The following DOCK1 variants were observed in gnomAD, a reference collection of about 807,000 sequenced individuals.
DOCK1 encodes the protein dedicator of cytokinesis protein 1.
A neutral mutation model predicts 262.7 loss-of-function variants in DOCK1; 138 were observed. That is an observed-to-expected ratio of 0.53 (90% CI 0.46 to 0.61). The LOEUF (loss-of-function observed/expected upper bound fraction) is 0.61. Ranked by LOEUF, DOCK1 falls within the 20% of genes least tolerant of loss-of-function variation. The pLI is 0.00. For missense variants in DOCK1, 1,908 were observed against 2,370.7 expected (o/e 0.80, Z 4.05); for synonymous variants, 866 against 867.4 (o/e 1.00, Z 0.03).
chr10:127,043,063 G>C lies in DOCK1; in HGVS notation c.2101-1G>C. On this transcript the variant is annotated splice_acceptor_variant, in intron 20 of 51. Coordinates refer to ENST00000623213, the MANE Select transcript of DOCK1 (RefSeq NM_001290223.2). LOFTEE classifies it high-confidence loss of function. ...GAAAATATTATTGATTAATTTGACA[G>C]GTATTTATCATTGGACTGATTGCTG... 6.3e-7 allele frequency: 1 copy of C among 1,594,866 alleles called. No individual in the cohort carries two copies. The highest frequency in any genetic ancestry group is 8.6e-7 in the Non-Finnish European group (1 of 1,168,320).
chr10:127,339,849 T>A, intron 30 of DOCK1, among the ~76,000 whole-genome samples: 1 of 152,158 alleles, frequency 6.6e-6, no homozygotes, highest in Admixed American at 6.5e-5. Flanking sequence ...ATTTTATCTG[T>A]CATTATTATT....
rs1218123401 is a variant in DOCK1 at position 127,223,344 on chromosome 10, A to G, written c.2848-24664A>G. On this transcript the variant is annotated intron_variant, in intron 27 of 51. Coordinates refer to ENST00000623213, the MANE Select transcript of DOCK1 (RefSeq NM_001290223.2). ...TTTTTCCTATCAAAATTATCTCTTA[A>G]TGCTTTTTAATTTATTTTCTTGAGT... 2.6e-5 allele frequency among the ~76,000 whole-genome samples: 4 copies of G among 152,292 alleles called. No individual in the cohort carries two copies. In the East Asian group the frequency reaches 5.8e-4, roughly 22 times the overall value.
intron 1 of DOCK1, among the ~76,000 whole-genome samples, chr10:126,915,789 C>T (rs1309566011): frequency 6.6e-6 from 1 of 152,096 alleles, no homozygotes; most frequent in African/African-American, 2.4e-5. Context: ...TCTGGCTGTT[C>T]CTGTTCCCAC....
At chr10:127,434,527 T>C (rs2069527550) in intron 48 of DOCK1, among the ~76,000 whole-genome samples, 1 of 152,270 alleles carries the variant, frequency 6.6e-6, no homozygotes, top group African/African-American at 2.4e-5. Context: ...TCCAGAACTC[T>C]TTAATATTGC....
At chr10:127,039,930 C>G (rs368936935) in intron 19 of DOCK1, among the ~76,000 whole-genome samples, 1 of 152,170 alleles carries the variant, frequency 6.6e-6, no homozygotes, top group Admixed American at 6.5e-5. Context: ...GGGTGGGGTG[C>G]CAGATGAAGC....
intron 30 of DOCK1, among the ~76,000 whole-genome samples, chr10:127,342,536 T>C (rs2063479550): frequency 6.6e-6 from 1 of 152,212 alleles, no homozygotes; most frequent in Non-Finnish European, 1.5e-5. Flanking sequence ...GAAAGTGTGC[T>C]GTTCATGGGA....
intron 29 of DOCK1, among the ~76,000 whole-genome samples, chr10:127,321,016 A>G (rs1201001538): frequency 1.3e-5 from 2 of 152,048 alleles, no homozygotes; most frequent in East Asian, 3.9e-4. Context: ...GAGGCTAATG[A>G]AATCTGTTCT....
rs533613747 is a variant in DOCK1 at position 127,184,321 on chromosome 10, C to G, written c.2847+56557C>G. Reference sequence around the variant, plus strand: ...CGGCTTGCTCAATTCATTCCCCCCCCAGTCTAATCCCCCAAATCAGTCGTC... The same window carrying G: ...CGGCTTGCTCAATTCATTCCCCCCCGAGTCTAATCCCCCAAATCAGTCGTC... On this transcript the variant is annotated intron_variant, in intron 27 of 51. Transcript: ENST00000623213. Among the ~76,000 whole-genome samples, 10 of 151,160 alleles carry G rather than the reference C, an allele frequency of 6.6e-5. No homozygotes were observed. In the East Asian group the frequency reaches 1.6e-3, roughly 24 times the overall value.
chr10:126,964,607 T>G (rs1052722871), intron 1 of DOCK1, among the ~76,000 whole-genome samples: 1 of 152,240 alleles, frequency 6.6e-6, no homozygotes, highest in African/African-American at 2.4e-5. Context: ...CAAATTGACT[T>G]TAAAAGAATT....
chr10:127,141,086 C>T (rs1049501341), intron 27 of DOCK1, among the ~76,000 whole-genome samples: 6 of 152,190 alleles, frequency 3.9e-5, no homozygotes, highest in African/African-American at 1.2e-4. Flanking sequence ...CCACCTGAAA[C>T]GCCTTTCTGG....
intron 1 of DOCK1, among the ~76,000 whole-genome samples, chr10:126,928,728 C>G (rs971959853): frequency 2.6e-5 from 4 of 152,162 alleles, no homozygotes; most frequent in African/African-American, 9.7e-5. Context: ...AGGATGGAGG[C>G]AGAAGTGGGT....
intron 49 of DOCK1, among the ~76,000 whole-genome samples, chr10:127,439,618 A>G (rs917463337): frequency 3.3e-5 from 5 of 152,126 alleles, no homozygotes; most frequent in Non-Finnish European, 7.4e-5. Context: ...TGCTGACTGG[A>G]ACTCTTCTAA....
intron 23 of DOCK1, among the ~76,000 whole-genome samples, chr10:127,082,012 T>A (rs1013961757): frequency 1.3e-5 from 2 of 152,186 alleles, no homozygotes; most frequent in Non-Finnish European, 2.9e-5. Flanking sequence ...ACATGAGCCC[T>A]GCTTTCCTTT....
chr10:126,953,666 T>G (rs1361436886), intron 1 of DOCK1, among the ~76,000 whole-genome samples: 3 of 152,054 alleles, frequency 2.0e-5, no homozygotes, highest in African/African-American at 7.2e-5. Context: ...GGAATGAGTG[T>G]GGGTAGAACG....
At chr10:126,933,823 C>G (rs2034357003) in intron 1 of DOCK1, among the ~76,000 whole-genome samples, 2 of 151,872 alleles carry the variant, frequency 1.3e-5, no homozygotes, top group Admixed American at 1.3e-4. Context: ...CTATTTTAAT[C>G]TTTTTTTTGA....
rs775673657 is a variant in DOCK1, at chr10:126,970,801, G to T, written c.130+16G>T. ...ACATATGAAGGTGCGTATGCATCTT[G>T]GTATCTTTTCTCTTACATTTTGGGC... On this transcript the variant is annotated intron_variant, in intron 2 of 51. Transcript: ENST00000623213. 6.2e-7 allele frequency: 1 copy of T among 1,608,096 alleles called. No individual in the cohort carries two copies. Among genetic ancestry groups the T allele is most frequent in the South Asian group, 1.1e-5 (1 of 89,944 alleles).
chr10:127,201,329 C>A (rs1459191011), intron 27 of DOCK1, among the ~76,000 whole-genome samples: 1 of 152,206 alleles, frequency 6.6e-6, no homozygotes, highest in African/African-American at 2.4e-5. Flanking sequence ...GTCCTGGCAG[C>A]CGAGCCGTGT....
Position 127,127,720 on chromosome 10 carries a change from G to A in DOCK1, c.2803G>A (p.Val935Met), listed in dbSNP as rs777074727. ...TATCATGGAGAAACTTCTCCGGACC[G>A]TGAACCGAACCGTCATTTCCATGGG... ...QIIMEKLLRT[V>M]NRTVISMGRD... is the part of the protein sequence containing the mutation. Residue 935 changes from valine (V) to methionine (M), a missense_variant, in exon 27 of 52, where the codon GTG (valine) becomes ATG (methionine). By Grantham distance (21) the Val-to-Met change is conservative (BLOSUM62 1). Coordinates refer to ENST00000623213, the MANE Select transcript of DOCK1 (RefSeq NM_001290223.2). The A allele has an allele frequency of 9.3e-6, 15 of 1,612,892 alleles. No homozygotes were observed. Among genetic ancestry groups the A allele is most frequent in the South Asian group, 4.4e-5 (4 of 90,980 alleles).
At chr10:127,291,220 G>A (rs536787816) in intron 29 of DOCK1, among the ~76,000 whole-genome samples, 3 of 152,346 alleles carry the variant, frequency 2.0e-5, no homozygotes, top group East Asian at 3.9e-4. Flanking sequence ...TAAGTGTCAC[G>A]TGGATTTACT....
Sources: gnomAD v4.1 joint callset for allele counts (sites outside exome capture counted in the v4.1 genomes callset) on GRCh38, gnomAD v4.1.1 for gene constraint, MANE v1.5 for transcripts, NCBI Gene and HGNC (gene_info 2026-07-23, HGNC 2026-07-21) for gene names.